The following EIF2AK1 variants were observed in gnomAD, a reference collection of about 807,000 sequenced individuals.
EIF2AK1 encodes the protein eukaryotic translation initiation factor 2 alpha kinase 1.
Under a neutral mutation model 77.9 loss-of-function variants are expected in EIF2AK1, and 54 were observed. The observed-to-expected ratio is 0.69, with a 90% CI of 0.56 to 0.87. EIF2AK1 has a LOEUF of 0.87. Ranked by LOEUF, EIF2AK1 falls within the 40% of genes least tolerant of loss-of-function variation. The pLI is 0.00. For missense variants in EIF2AK1, 810 were observed against 768.6 expected, an observed-to-expected ratio of 1.05 and a Z score of -0.64; for synonymous variants, 314 against 290.5, an observed-to-expected ratio of 1.08 and a Z score of -0.82.
chr7:6,057,797 A>G (rs369014102), intron 1 of EIF2AK1, among the ~76,000 whole-genome samples: 1 of 151,882 alleles, frequency 6.6e-6, no homozygotes, highest in African/African-American at 2.4e-5. Context: ...ACGCCCAGCT[A>G]ATTTGTATTT....
intron 2 of EIF2AK1, among the ~76,000 whole-genome samples, chr7:6,052,557 G>C (rs1366292380): frequency 9.7e-6 from 1 of 103,058 alleles, no homozygotes; most frequent in Non-Finnish European, 1.8e-5. Flanking sequence ...CCACATAAAA[G>C]TATCTATAAG....
At chr7:6,047,219 G>C (rs1029794886) in intron 4 of EIF2AK1, 128 bp from the exon 5 acceptor site, 7 of 1,001,542 alleles carry the variant, frequency 7.0e-6, no homozygotes, top group Admixed American at 5.9e-5. Flanking sequence ...GATTTGGAAA[G>C]GATGGGCTAA....
chr7:6,043,484 A>T (rs926924601), intron 7 of EIF2AK1, among the ~76,000 whole-genome samples: 2 of 152,034 alleles, frequency 1.3e-5, no homozygotes, highest in Non-Finnish European at 2.9e-5. Flanking sequence ...GGTGGAATGC[A>T]TTGGCACGAT....
At chr7:6,029,310 G>A (rs111284736) in intron 11 of EIF2AK1, among the ~76,000 whole-genome samples, 329 of 152,070 alleles carry the variant, frequency 2.2e-3, no homozygotes, top group Non-Finnish European at 3.7e-3. Flanking sequence ...GACAAGCATG[G>A]CCAACATGGT....
chr7:6,024,468 G>T lies in EIF2AK1; in HGVS notation c.*205C>A. The T allele has an allele frequency of 1.4e-6, 2 of 1,412,194 alleles. No individual in the cohort carries two copies. The highest frequency in any genetic ancestry group is 1.8e-6 in the Non-Finnish European group (2 of 1,089,714). 87.5% of individuals were successfully genotyped at this position (1,412,194 alleles called of 1,614,324 possible). On this transcript the variant is annotated 3_prime_UTR_variant, in exon 15 of 15. Transcript: ENST00000199389. The stretch of plus-strand genomic sequence containing the variant: ...TCCAAGTTTTTAGTTTCAGAGACTA[G>T]GCATATGGTTAATATTTAGGTAGGA...
intron 8 of EIF2AK1, 121 bp downstream of exon 8, chr7:6,042,812 G>C (rs912626352): frequency 2.7e-6 from 2 of 750,092 alleles, no homozygotes; most frequent in African/African-American, 1.8e-5. Flanking sequence ...GTTGCAGTGA[G>C]CCAAGATTGT....
In EIF2AK1 at chr7:6,023,676, C is replaced by G. The variant is rs752074098; in HGVS notation, c.*997G>C. The G allele has an allele frequency of 6.8e-6, 11 of 1,614,002 alleles. No homozygotes were observed. Among genetic ancestry groups the G allele is most frequent in the Non-Finnish European group, 9.3e-6 (11 of 1,180,034 alleles). The stretch of plus-strand genomic sequence containing the variant: ...ACCTGGCTCCTTTTAACACGGCCCT[C>G]AAGCTCCTTAAGTGAATTGCCGTAA... On this transcript the variant is annotated 3_prime_UTR_variant, in exon 15 of 15. Transcript: ENST00000199389.
intron 14 of EIF2AK1, chr7:6,026,509 CT>C (rs1406203411): frequency 1.4e-6 from 1 of 690,984 alleles, no homozygotes; most frequent in Admixed American, 2.0e-5. Context: ...CCTGTGCCTG[CT>C]GAGGCCACAG....
At position 6,058,976 on chromosome 7, in the gene EIF2AK1, G is replaced by C. The variant is rs1192877147; in HGVS notation, c.108C>G (p.Pro36=). 3 of 1,537,900 alleles carry C rather than the reference G, an allele frequency of 2.0e-6. No homozygotes were observed. The highest frequency in any genetic ancestry group is 2.7e-5 in the East Asian group (1 of 36,872). ...GATCCGATCCCTCACCGTCATATTCGGGGTCCGGGCCCTCGGCGGGAAAGT... is the reference window on the plus strand; with the variant it reads ...GATCCGATCCCTCACCGTCATATTCCGGGTCCGGGCCCTCGGCGGGAAAGT... The part of the protein sequence containing the change: ...AIDFPAEGPD[P]EYDESDVPAE... The change falls in exon 1 of 15, where the codon CCC becomes CCG. Residue 36 remains proline, a synonymous_variant. Transcript: ENST00000199389.
chr7:6,035,594 C>A lies in EIF2AK1; in HGVS notation c.1332+1830G>T, dbSNP rs145095676. ...CATGTCTCCGCATCTTGTGTGCGCA[C>A]GGAGCTCAAGTGAACACTCAAGGGG... On this transcript the variant is annotated intron_variant, in intron 11 of 14. Coordinates refer to ENST00000199389, the MANE Select transcript of EIF2AK1 (RefSeq NM_014413.4). The surrounding 1 kb of genome is among the most constrained non-coding windows in gnomAD (Gnocchi z 5.5). 38 of 1,550,906 alleles carry A rather than the reference C, an allele frequency of 2.5e-5. No individual in the cohort carries two copies. The highest frequency in any genetic ancestry group is 3.1e-5 in the Non-Finnish European group (35 of 1,147,106).
In EIF2AK1 at chr7:6,023,077, A is replaced by C; in HGVS notation, c.*1596T>G. On this transcript the variant is annotated 3_prime_UTR_variant, in exon 15 of 15. Transcript: ENST00000199389. Reference sequence around the variant, plus strand: ...TCTAGCTTCAGAAGTGTCATAATCAAATACCAGGAATGACTCTTTGGTTAC... The same window carrying C: ...TCTAGCTTCAGAAGTGTCATAATCACATACCAGGAATGACTCTTTGGTTAC... 1.9e-6 allele frequency: 1 copy of C among 531,930 alleles called. No individual in the cohort carries two copies. Among genetic ancestry groups the C allele is most frequent in the Non-Finnish European group, 3.2e-6 (1 of 310,980 alleles). The allele number at this position is 531,930 out of a possible 1,614,324, so 33.0% of individuals were successfully genotyped here.
intron 4 of EIF2AK1, chr7:6,047,672 CAAA>C (rs55810408): frequency 4.8e-5 from 7 of 144,658 alleles, no homozygotes; most frequent in South Asian, 2.2e-4. Context: ...GACTCTGTCT[CAAA>C]AAAAAAAAAA....
In EIF2AK1 at chr7:6,028,646, T is replaced by C; in HGVS notation, c.1499A>G (p.Glu500Gly). The change falls in exon 13 of 15, where the codon GAA (glutamate) becomes GGA (glycine). Residue 500 changes from glutamate to glycine, a missense_variant. By Grantham distance (98) the Glu-to-Gly change is moderately conservative. Around this residue, in one of 3 missense-constraint regions of EIF2AK1, gnomAD observed 549 missense variants for 533.7 expected, o/e 1.03. Transcript: ENST00000199389. The stretch of plus-strand genomic sequence containing the variant: ...ATCATACTCAGATCCTTCCAACTGT[T>C]CGGGTGAAGCGTACAGACAAGTACC... ...RVGTCLYASP[E>G]QLEGSEYDAK... is the part of the protein sequence containing the mutation. The C allele has an allele frequency of 1.2e-6, 2 of 1,614,216 alleles. No homozygotes were observed. Among genetic ancestry groups the C allele is most frequent in the Non-Finnish European group, 1.7e-6 (2 of 1,180,020 alleles).
At chr7:6,030,375 G>A (rs922682122) in intron 11 of EIF2AK1, among the ~76,000 whole-genome samples, 1 of 152,134 alleles carries the variant, frequency 6.6e-6, no homozygotes, top group Non-Finnish European at 1.5e-5. Flanking sequence ...TGCCCTGGGT[G>A]TACCTGCCTA....
Position 6,040,846 on chromosome 7 carries a change from G to A in EIF2AK1, c.1119+46C>T, listed in dbSNP as rs374031898. On this transcript the variant is annotated intron_variant, in intron 9 of 14. Transcript: ENST00000199389. ...CGAGAGAAGGCCACACACCTGCACA[G>A]TCACCAATACTGGCCAAATTAGGAG... The A allele has an allele frequency of 6.6e-6, 10 of 1,508,142 alleles. No individual in the cohort carries two copies. The South Asian group carries it at 9.3e-5, about 14-fold the overall frequency. 93.4% of individuals were successfully genotyped at this position (1,508,142 alleles called of 1,614,324 possible).
At chr7:6,049,314 C>T (rs191901933) in intron 3 of EIF2AK1, among the ~76,000 whole-genome samples, 2 of 152,294 alleles carry the variant, frequency 1.3e-5, no homozygotes, top group Admixed American at 1.3e-4. Flanking sequence ...GAGGCCAAGG[C>T]AGGCACATCA....
Position 6,040,850 on chromosome 7 carries a change from C to A in EIF2AK1, c.1119+42G>T, listed in dbSNP as rs756399804. The A allele has an allele frequency of 7.1e-6, 11 of 1,538,648 alleles. No individual in the cohort carries two copies. The East Asian group carries it at 2.5e-4, about 35-fold the overall frequency. ...AGAAGGCCACACACCTGCACAGTCA[C>A]CAATACTGGCCAAATTAGGAGGGTC... is the stretch of plus-strand genomic sequence containing the variant. On this transcript the variant is annotated intron_variant, in intron 9 of 14. Coordinates refer to ENST00000199389, the MANE Select transcript of EIF2AK1 (RefSeq NM_014413.4).
chr7:6,058,827 G>T (rs1443358657), intron 1 of EIF2AK1, 139 bp downstream of exon 1: 3 of 668,978 alleles, frequency 4.5e-6, no homozygotes, highest in South Asian at 4.7e-5. Flanking sequence ...CTCGCACTGC[G>T]CGGCTGGGCC....
chr7:6,037,214 G>C (rs1788132497), intron 11 of EIF2AK1, among the ~76,000 whole-genome samples: 1 of 151,250 alleles, frequency 6.6e-6, no homozygotes, highest in Non-Finnish European at 1.5e-5. Context: ...GTGGGTGACA[G>C]AGCGAAATGC....
Sources: gnomAD v4.1 joint callset for allele counts (sites outside exome capture counted in the v4.1 genomes callset) on GRCh38, gnomAD v4.1.1 for gene constraint, gnomAD v4.1.1 regional missense constraint, Gnocchi (gnomAD v3.1) non-coding constraint, MANE v1.5 for transcripts, NCBI Gene and HGNC (gene_info 2026-07-23, HGNC 2026-07-21) for gene names.